Variants in MARK1 observed in about 807,000 individuals in gnomAD.
The protein encoded by MARK1 is microtubule affinity regulating kinase 1.
In MARK1, 40 loss-of-function variants were observed where a neutral mutation model predicts 96.3. The observed-to-expected ratio is 0.42, with a 90% CI of 0.32 to 0.54. The LOEUF (loss-of-function observed/expected upper bound fraction) is 0.54, where lower values mean the gene tolerates loss of function less well. MARK1 is among the 20% of genes least tolerant of loss of function. The pLI, the probability that MARK1 is intolerant of heterozygous loss-of-function variation, is 0.16. For synonymous variants in MARK1, 317 were observed against 341.2 expected (o/e 0.93, Z 0.78); for missense variants, 719 against 984.6 (o/e 0.73, Z 3.61).
chr1:220,644,252 A>T (rs1461301950), intron 13 of MARK1, among the ~76,000 whole-genome samples: 2 of 152,162 alleles, frequency 1.3e-5, no homozygotes, highest in Non-Finnish European at 2.9e-5. Context: ...AGCAGAAAAA[A>T]GCAGGGGTTG....
At chr1:220,615,664 A>G (rs948736963) in intron 6 of MARK1, among the ~76,000 whole-genome samples, 2 of 152,120 alleles carry the variant, frequency 1.3e-5, no homozygotes, top group East Asian at 3.9e-4. Flanking sequence ...ATAAACAGAG[A>G]ACTATAAATG....
At chr1:220,598,022 G>A (rs1431997888) in intron 3 of MARK1, among the ~76,000 whole-genome samples, 1 of 152,058 alleles carries the variant, frequency 6.6e-6, no homozygotes, top group African/African-American at 2.4e-5. Context: ...CTTTTCATAA[G>A]GAATGGTTAA....
At chr1:220,545,845 C>T (rs189203617) in intron 1 of MARK1, among the ~76,000 whole-genome samples, 2 of 152,304 alleles carry the variant, frequency 1.3e-5, no homozygotes, top group Non-Finnish European at 2.9e-5. Context: ...TCTTGACAAA[C>T]TTTAATTAGG....
chr1:220,602,852 G>T (rs998099931), intron 5 of MARK1, among the ~76,000 whole-genome samples: 6 of 151,866 alleles, frequency 4.0e-5, no homozygotes, highest in African/African-American at 1.5e-4. Flanking sequence ...GCATATATAT[G>T]TAATATATCT....
At chr1:220,644,886 A>G (rs758016228) in intron 13 of MARK1, among the ~76,000 whole-genome samples, 2 of 152,186 alleles carry the variant, frequency 1.3e-5, no homozygotes, top group Non-Finnish European at 2.9e-5. Flanking sequence ...TAATGAGACC[A>G]AAAAGGCAGT....
At chr1:220,544,318 C>T (rs533433273) in intron 1 of MARK1, among the ~76,000 whole-genome samples, 5 of 152,222 alleles carry the variant, frequency 3.3e-5, no homozygotes, top group African/African-American at 1.2e-4. Context: ...GGAGATGGGG[C>T]CTAATAAGAG....
At chr1:220,610,956 G>T (rs1007976646) in intron 6 of MARK1, among the ~76,000 whole-genome samples, 1 of 152,210 alleles carries the variant, frequency 6.6e-6, no homozygotes, top group Admixed American at 6.5e-5. Flanking sequence ...CTTCGTCCCA[G>T]AGGGGCAGCC....
At chr1:220,556,229 ACT>A (rs1558256009) in intron 1 of MARK1, among the ~76,000 whole-genome samples, 1 of 151,734 alleles carries the variant, frequency 6.6e-6, no homozygotes, top group Admixed American at 6.6e-5. Context: ...GTTAGAAAAA[ACT>A]CTGCCCCTTA....
intron 13 of MARK1, among the ~76,000 whole-genome samples, chr1:220,647,784 A>G (rs1209039908): frequency 6.6e-6 from 1 of 152,222 alleles, no homozygotes; most frequent in Non-Finnish European, 1.5e-5. Context: ...TCAGCAAACT[A>G]ATGCAGGAAC....
intron 1 of MARK1, among the ~76,000 whole-genome samples, chr1:220,574,251 C>T (rs142328286): frequency 1.8e-4 from 28 of 152,344 alleles, no homozygotes; most frequent in African/African-American, 4.6e-4. Flanking sequence ...ATTCAGCCTG[C>T]GTTGTGGTGG....
intron 1 of MARK1, among the ~76,000 whole-genome samples, chr1:220,535,229 TTTTTA>T (rs1483943739): frequency 6.6e-6 from 1 of 152,080 alleles, no homozygotes; most frequent in African/African-American, 2.4e-5. Flanking sequence ...TTATTTTCTG[TTTTTA>T]TTTTGTTTTA....
chr1:220,573,340 T>C (rs1246203218), intron 1 of MARK1, among the ~76,000 whole-genome samples: 1 of 152,156 alleles, frequency 6.6e-6, no homozygotes, highest in Non-Finnish European at 1.5e-5. Flanking sequence ...ATTTATTTTT[T>C]TGAGATGGAG....
chr1:220,653,101 T>C lies in MARK1; in HGVS notation c.1737T>C (p.Gly579=), dbSNP rs980872114. 9 of 1,614,022 alleles carry C rather than the reference T, an allele frequency of 5.6e-6. No homozygotes were observed. Among genetic ancestry groups the C allele is most frequent in the African/African-American group, 1.3e-5 (1 of 74,924 alleles). Residue 579 remains glycine, a splice_region_variant and synonymous_variant, in exon 16 of 18, where the codon GGT becomes GGC. Transcript: ENST00000366917. The part of the protein sequence containing the change: ...IKDGSEAYRP[G]TTQRVPAASP... Reference sequence around the variant, plus strand: ...GATATATCTTAATTTGTCCCAGCAGTACAACCCAGAGAGTGCCTGCTGCTT... The same window carrying C: ...GATATATCTTAATTTGTCCCAGCAGCACAACCCAGAGAGTGCCTGCTGCTT...
chr1:220,588,077 C>A (rs1664765749), intron 3 of MARK1, among the ~76,000 whole-genome samples: 1 of 152,142 alleles, frequency 6.6e-6, no homozygotes, highest in Non-Finnish European at 1.5e-5. Context: ...AAAATTTTTG[C>A]CAACCTTATG....
Position 220,599,805 on chromosome 1 carries a change from G to A in MARK1, c.366G>A (p.Leu122=). ...KILNHPNIVK[L]FEVIETEKTL... ...TCTCTAATTTTTTTTCAGTAAAATTGTTTGAAGTTATTGAAACAGAGAAGA... is the reference window on the plus strand; with the variant it reads ...TCTCTAATTTTTTTTCAGTAAAATTATTTGAAGTTATTGAAACAGAGAAGA... The change falls in exon 5 of 18, where the codon TTG becomes TTA. Residue 122 remains leucine (L), a synonymous_variant. Transcript: ENST00000366917. 1 of 1,596,092 alleles carries A rather than the reference G, an allele frequency of 6.3e-7. No individual in the cohort carries two copies. The highest frequency in any genetic ancestry group is 8.6e-7 in the Non-Finnish European group (1 of 1,166,066).
At chr1:220,532,207 A>G (rs995004993) in intron 1 of MARK1, among the ~76,000 whole-genome samples, 2 of 152,218 alleles carry the variant, frequency 1.3e-5, no homozygotes, top group African/African-American at 4.8e-5. Context: ...CTTGTGACAT[A>G]CTGAAATTCA....
chr1:220,577,098 C>T (rs1440586750), intron 1 of MARK1, among the ~76,000 whole-genome samples: 2 of 151,432 alleles, frequency 1.3e-5, no homozygotes, highest in African/African-American at 2.4e-5. Flanking sequence ...TCTCTACAAA[C>T]AAAACAAAAC....
intron 1 of MARK1, among the ~76,000 whole-genome samples, chr1:220,559,001 G>C (rs1662485046): frequency 6.6e-6 from 1 of 152,194 alleles, no homozygotes; most frequent in African/African-American, 2.4e-5. Flanking sequence ...GGTTCAAGAG[G>C]TCAGTTTTGC....
chr1:220,538,059 T>C (rs948782722), intron 1 of MARK1, among the ~76,000 whole-genome samples: 2 of 152,196 alleles, frequency 1.3e-5, no homozygotes, highest in East Asian at 3.9e-4. Context: ...TTTCTTTTGC[T>C]GTGCAGAAGC....
Sources: gnomAD v4.1 joint callset for allele counts (sites outside exome capture counted in the v4.1 genomes callset) on GRCh38, gnomAD v4.1.1 for gene constraint, MANE v1.5 for transcripts, NCBI Gene and HGNC (gene_info 2026-07-23, HGNC 2026-07-21) for gene names.